Variants in FRMPD2 observed in about 807,000 individuals in gnomAD.
FRMPD2 encodes the protein FERM and PDZ domain-containing protein 2.
Under a neutral mutation model 140.1 loss-of-function variants are expected in FRMPD2, and 96 were observed. That is an observed-to-expected ratio of 0.69 (90% CI 0.58 to 0.81). FRMPD2 has a LOEUF of 0.81. FRMPD2 is among the 40% of genes least tolerant of loss of function. The pLI is 0.00. For missense variants in FRMPD2, 1,240 were observed against 1,447.4 expected (o/e 0.86, Z 2.32); for synonymous variants, 449 against 547.6 (o/e 0.82, Z 2.52).
At chr10:48,245,351 ATATCTT>A (rs1355577340) in intron 3 of FRMPD2, among the ~76,000 whole-genome samples, 1 of 152,228 alleles carries the variant, frequency 6.6e-6, no homozygotes, top group African/African-American at 2.4e-5. Context: ...ACTAACAACC[ATATCTT>A]TGGCCCTGGC....
intron 14 of FRMPD2, 44 bp from the exon 15 acceptor site, chr10:48,201,428 A>C: frequency 6.3e-7 from 1 of 1,582,542 alleles, no homozygotes. Context: ...ATCATCCACA[A>C]CCCTCCACTG....
chr10:48,198,200 T>C (rs980272965), intron 15 of FRMPD2, among the ~76,000 whole-genome samples: 31 of 152,164 alleles, frequency 2.0e-4, no homozygotes, highest in African/African-American at 7.0e-4. Context: ...CAAAAAAGTA[T>C]CACAGAGAAA....
At chr10:48,240,610 A>G in intron 5 of FRMPD2, 118 bp from the exon 6 acceptor site, 1 of 1,393,078 alleles carries the variant, frequency 7.2e-7, no homozygotes, top group Non-Finnish European at 9.8e-7. Flanking sequence ...CTATACGGTG[A>G]CCTAAAGATG....
chr10:48,195,249 G>A (rs1399506922), intron 15 of FRMPD2, among the ~76,000 whole-genome samples: 1 of 152,180 alleles, frequency 6.6e-6, no homozygotes, highest in East Asian at 1.9e-4. Flanking sequence ...AGGCCCATGG[G>A]CCCCACTCCA....
chr10:48,231,184 C>T (rs1051710457), intron 10 of FRMPD2, among the ~76,000 whole-genome samples: 1 of 152,156 alleles, frequency 6.6e-6, no homozygotes, highest in East Asian at 1.9e-4. Context: ...ATAACTTGAT[C>T]AAAAGGGAGA....
chr10:48,178,543 C>T (rs1361646122), intron 21 of FRMPD2, among the ~76,000 whole-genome samples: 18 of 152,150 alleles, frequency 1.2e-4, no homozygotes, highest in African/African-American at 2.2e-4. Context: ...AGCTGAACAA[C>T]GAAGCCTCAA....
At chr10:48,192,636 T>C in intron 16 of FRMPD2, 48 bp downstream of exon 16, 14 of 1,469,646 alleles carry the variant, frequency 9.5e-6, no homozygotes, top group Non-Finnish European at 1.3e-5. Context: ...CTGCAAACCA[T>C]CAAGCACATG....
At chr10:48,248,832 T>A (rs992646789) in intron 3 of FRMPD2, 189 bp downstream of exon 3, 6 of 456,152 alleles carry the variant, frequency 1.3e-5, no homozygotes, top group Admixed American at 1.2e-4. Flanking sequence ...AGAAGTGGAC[T>A]TGCCCTTGTC....
chr10:48,239,671 G>A lies in FRMPD2; in HGVS notation c.722C>T (p.Thr241Ile), dbSNP rs1454019319. The A allele has an allele frequency of 3.1e-6, 5 of 1,613,972 alleles. No individual in the cohort carries two copies. The highest frequency in any genetic ancestry group is 1.3e-5 in the African/African-American group (1 of 75,052). The change falls in exon 7 of 29, where the codon ACC becomes ATC. Residue 241 changes from threonine to isoleucine, a missense_variant. Physicochemically the swap from Thr to Ile is moderately conservative, Grantham distance 89 (BLOSUM62 -1). This residue lies in a region of FRMPD2 where 1,161 missense variants were observed against 1,055.9 expected (regional missense o/e 1.10). Coordinates refer to ENST00000374201, the MANE Select transcript of FRMPD2 (RefSeq NM_001018071.4). ...CCAATGGGGCTCTGGTGAGCTCTGGGTCTCCGTGCTTCTTTCTGAAACTAA... is the reference window on the plus strand; with the variant it reads ...CCAATGGGGCTCTGGTGAGCTCTGGATCTCCGTGCTTCTTTCTGAAACTAA... ...PCRVSERSTE[T>I]QSSPEPHWST...
chr10:48,219,208 T>G (rs1052666581), intron 12 of FRMPD2, among the ~76,000 whole-genome samples: 1 of 151,190 alleles, frequency 6.6e-6, no homozygotes, highest in Non-Finnish European at 1.5e-5. Context: ...AAGGGTGGAG[T>G]GTGTGTGGTT....
rs1243035721 is a variant in FRMPD2, at chr10:48,184,781, G to T, written c.2460C>A (p.Ile820=). The T allele has an allele frequency of 1.2e-6, 2 of 1,612,076 alleles. No homozygotes were observed. The highest frequency in any genetic ancestry group is 2.2e-5 in the East Asian group (1 of 44,824). The change falls in exon 19 of 29, where the codon ATC becomes ATA. Residue 820 remains isoleucine, a synonymous_variant. Transcript: ENST00000374201. ...TAATTTAAAAAGATGTACCTGGTTT[G>T]ATCGTTTTTGCTTTTTCTGCTGGTC... ...PGGPAEKAKT[I]KPGGQILALN...
At chr10:48,174,058 T>C (rs1221129370) in intron 24 of FRMPD2, among the ~76,000 whole-genome samples, 3 of 152,212 alleles carry the variant, frequency 2.0e-5, no homozygotes, top group Non-Finnish European at 4.4e-5. Context: ...GTTCTCAAGA[T>C]AGGTCAACCA....
intron 24 of FRMPD2, 87 bp downstream of exon 24, chr10:48,174,783 C>T: frequency 2.1e-6 from 2 of 937,060 alleles, no homozygotes; most frequent in Non-Finnish European, 3.4e-6. Flanking sequence ...TGCCTGCCTC[C>T]CTCCCACCCA....
chr10:48,269,522 G>A (rs1840732772), intron 1 of FRMPD2, among the ~76,000 whole-genome samples: 1 of 152,148 alleles, frequency 6.6e-6, no homozygotes, highest in African/African-American at 2.4e-5. Context: ...CCCCCTTCAC[G>A]GAGAGCATAG....
chr10:48,258,793 T>G (rs1261543790), intron 1 of FRMPD2, among the ~76,000 whole-genome samples: 1 of 152,230 alleles, frequency 6.6e-6, no homozygotes, highest in Non-Finnish European at 1.5e-5. Flanking sequence ...TAAATGCATT[T>G]ATTTTAAAAG....
At chr10:48,268,978 T>C (rs932985037) in intron 1 of FRMPD2, among the ~76,000 whole-genome samples, 1 of 152,020 alleles carries the variant, frequency 6.6e-6, no homozygotes, top group African/African-American at 2.4e-5. Flanking sequence ...AAATTAAATG[T>C]AAACAAAAAT....
chr10:48,196,507 G>T (rs1031918512), intron 15 of FRMPD2, among the ~76,000 whole-genome samples: 4 of 152,232 alleles, frequency 2.6e-5, no homozygotes, highest in Non-Finnish European at 4.4e-5. Context: ...TTGGTGACAA[G>T]TGGGGTGGGA....
chr10:48,255,219 C>A (rs776903909), intron 1 of FRMPD2, among the ~76,000 whole-genome samples: 9 of 152,142 alleles, frequency 5.9e-5, no homozygotes, highest in South Asian at 2.1e-4. Context: ...GTCTTCTTTG[C>A]CATTGGAGAT....
At position 48,174,964 on chromosome 10, in the gene FRMPD2, G is replaced by A. The variant is rs781937737; in HGVS notation, c.2990-9C>T. On this transcript the variant is annotated splice_polypyrimidine_tract_variant and intron_variant, in intron 23 of 28. Transcript: ENST00000374201. Reference sequence around the variant, plus strand: ...CTGCAGGAGTCGGTCACCTGGGAAAGGGATAGATGTCATGTCATGACCTGG... The same window carrying A: ...CTGCAGGAGTCGGTCACCTGGGAAAAGGATAGATGTCATGTCATGACCTGG... 9.4e-5 allele frequency: 70 copies of A among 743,322 alleles called. No individual in the cohort carries two copies. Among genetic ancestry groups the A allele is most frequent in the Non-Finnish European group, 1.5e-4 (62 of 425,012 alleles). 46.0% of individuals were successfully genotyped at this position (743,322 alleles called of 1,614,324 possible).
Sources: allele counts gnomAD v4.1 joint callset (sites outside exome capture counted in the v4.1 genomes callset), GRCh38; gene constraint gnomAD v4.1.1; regional missense constraint gnomAD v4.1.1; transcripts MANE v1.5; gene names NCBI Gene and HGNC (gene_info 2026-07-23, HGNC 2026-07-21).